FTO: variants seen among roughly 807,000 people sequenced by gnomAD.
FTO encodes the protein FTO alpha-ketoglutarate dependent dioxygenase.
Under a neutral mutation model 63.9 loss-of-function variants are expected in FTO, and 47 were observed. That is an observed-to-expected ratio of 0.74 (90% CI 0.58 to 0.94). The LOEUF is 0.94. Ranked by LOEUF, FTO falls within the 40% of genes least tolerant of loss-of-function variation. The pLI, the probability that FTO is intolerant of heterozygous loss-of-function variation, is 0.00. For synonymous variants in FTO, 207 were observed against 224.4 expected, an observed-to-expected ratio of 0.92 and a Z score of 0.69; for missense variants, 562 against 618.1, an observed-to-expected ratio of 0.91 and a Z score of 0.96.
At chr16:53,902,981 A>G (rs2081440946) in intron 7 of FTO, among the ~76,000 whole-genome samples, 1 of 152,184 alleles carries the variant, frequency 6.6e-6, no homozygotes, top group Admixed American at 6.5e-5. Flanking sequence ...GTAGTGGCAC[A>G]TGCCCGTAGT....
In FTO at chr16:54,120,687, G is replaced by GC. The variant is rs1402630525; in HGVS notation, c.*8778dup. On this transcript the variant is annotated 3_prime_UTR_variant, in exon 9 of 9. Transcript: ENST00000471389. ...TTGGGAAGGCTGTGAACATTCTTGA[G>GC]CCCCCCTCCCAAGTTCACCTTCAAC... 6 of 152,066 alleles carry GC rather than the reference G, an allele frequency of 3.9e-5. No homozygotes were observed. The highest frequency in any genetic ancestry group is 2.1e-4 in the South Asian group (1 of 4,818). The allele number at this position is 152,066 out of a possible 1,614,324, so 9.4% of individuals were successfully genotyped here.
chr16:53,872,031 G>A (rs888822664), intron 4 of FTO, among the ~76,000 whole-genome samples: 1 of 152,162 alleles, frequency 6.6e-6, no homozygotes, highest in African/African-American at 2.4e-5. Context: ...CTGGCCAGAA[G>A]TTGGATCCTT....
chr16:53,778,981 G>GAAAGC (rs1171158423), intron 1 of FTO, among the ~76,000 whole-genome samples: 1 of 152,008 alleles, frequency 6.6e-6, no homozygotes, highest in Non-Finnish European at 1.5e-5. Flanking sequence ...GGACATTAAG[G>GAAAGC]AAAGCCTTCT....
intron 7 of FTO, among the ~76,000 whole-genome samples, chr16:53,931,327 A>G (rs1006819916): frequency 5.7e-5 from 8 of 140,640 alleles, no homozygotes; most frequent in Non-Finnish European, 1.1e-4. Context: ...TTTTTTTAAG[A>G]CAGAGGTTCA....
At chr16:53,720,742 A>G (rs2076021374) in intron 1 of FTO, among the ~76,000 whole-genome samples, 1 of 150,722 alleles carries the variant, frequency 6.6e-6, no homozygotes, top group Non-Finnish European at 1.5e-5. Flanking sequence ...TACAGTAAAT[A>G]TTTGTTGACT....
At chr16:53,881,197 C>G (rs968954595) in intron 6 of FTO, among the ~76,000 whole-genome samples, 2 of 151,226 alleles carry the variant, frequency 1.3e-5, no homozygotes, top group Non-Finnish European at 3.0e-5. Context: ...ACATACAGAC[C>G]ATAGCATTCT....
At chr16:53,842,705 A>G (rs2079511027) in intron 3 of FTO, among the ~76,000 whole-genome samples, 1 of 152,060 alleles carries the variant, frequency 6.6e-6, no homozygotes, top group Non-Finnish European at 1.5e-5. Context: ...GCAGGGCCTC[A>G]CTCTGTTGCC....
chr16:53,897,361 T>C (rs1340815476), intron 7 of FTO, among the ~76,000 whole-genome samples: 3 of 152,178 alleles, frequency 2.0e-5, no homozygotes, highest in Admixed American at 6.6e-5. Context: ...TTGACAAAAT[T>C]AGCTTTCAAC....
chr16:53,829,963 G>C (rs770131387), intron 3 of FTO, among the ~76,000 whole-genome samples: 5 of 152,052 alleles, frequency 3.3e-5, no homozygotes, highest in Non-Finnish European at 5.9e-5. Flanking sequence ...AGAGGTTCAC[G>C]TAAAATGCAC....
intron 7 of FTO, among the ~76,000 whole-genome samples, chr16:53,928,103 A>G (rs2082191529): frequency 6.6e-6 from 1 of 152,234 alleles, no homozygotes; most frequent in Non-Finnish European, 1.5e-5. Flanking sequence ...AAAGACCCAC[A>G]GCTAGGAGGT....
chr16:54,107,676 G>A (rs1425466628), intron 8 of FTO, among the ~76,000 whole-genome samples: 2 of 152,122 alleles, frequency 1.3e-5, no homozygotes, highest in African/African-American at 4.8e-5. Flanking sequence ...AAGCATGGCC[G>A]GCATATCAGC....
In FTO at chr16:53,910,779, G is replaced by T. The variant is rs367935973; in HGVS notation, c.1239+21828G>T. ...TCAAACTCCTGACCTCAGGGGATCC[G>T]CCTGCCTCGACGTCCCAAAGTGCTG... is the stretch of plus-strand genomic sequence containing the variant. On this transcript the variant is annotated intron_variant, in intron 7 of 8. Transcript: ENST00000471389. Among the ~76,000 whole-genome samples the T allele has an allele frequency of 1.2e-4, 18 of 152,224 alleles. No homozygotes were observed. The East Asian group carries it at 1.9e-3, about 16-fold the overall frequency.
At chr16:53,791,969 G>T (rs913204153) in intron 1 of FTO, among the ~76,000 whole-genome samples, 1 of 151,920 alleles carries the variant, frequency 6.6e-6, no homozygotes, top group Non-Finnish European at 1.5e-5. Context: ...CCAGCTACTC[G>T]GGAGGCTGAG....
intron 8 of FTO, among the ~76,000 whole-genome samples, chr16:54,023,997 G>A (rs540731207): frequency 1.1e-4 from 16 of 152,162 alleles, no homozygotes; most frequent in East Asian, 3.9e-4. Context: ...CTGATAATGC[G>A]TTGTTTATAT....
intron 8 of FTO, among the ~76,000 whole-genome samples, chr16:54,076,242 G>C (rs559932905): frequency 2.6e-5 from 4 of 152,298 alleles, no homozygotes; most frequent in African/African-American, 9.6e-5. Context: ...ACCTCCTGGT[G>C]ATGTGTGTTT....
chr16:53,926,423 A>G (rs1043206602), intron 7 of FTO, among the ~76,000 whole-genome samples: 1 of 152,244 alleles, frequency 6.6e-6, no homozygotes, highest in Non-Finnish European at 1.5e-5. Flanking sequence ...AGTATCCATC[A>G]GGAGTCCACT....
chr16:53,839,564 C>A (rs1337098826), intron 3 of FTO, among the ~76,000 whole-genome samples: 1 of 151,994 alleles, frequency 6.6e-6, no homozygotes, highest in Non-Finnish European at 1.5e-5. Context: ...AGACTAATTG[C>A]AATTATTGTC....
At chr16:53,989,422 AC>A (rs1490610006) in intron 8 of FTO, among the ~76,000 whole-genome samples, 1 of 152,182 alleles carries the variant, frequency 6.6e-6, no homozygotes. Flanking sequence ...GAGGGAGAGC[AC>A]TGGAGGCAGG....
At chr16:54,087,969 G>C (rs2086286507) in intron 8 of FTO, among the ~76,000 whole-genome samples, 1 of 152,202 alleles carries the variant, frequency 6.6e-6, no homozygotes, top group African/African-American at 2.4e-5. Context: ...GCTGATTCAT[G>C]TCTGCAGCTA....
Sources: gnomAD v4.1 joint callset for allele counts (sites outside exome capture counted in the v4.1 genomes callset) on GRCh38, gnomAD v4.1.1 for gene constraint, MANE v1.5 for transcripts, NCBI Gene and HGNC (gene_info 2026-07-23, HGNC 2026-07-21) for gene names.